The following NCS1 variants were observed in gnomAD, a reference collection of about 807,000 sequenced individuals.
NCS1 encodes frequenin homolog.
Under a neutral mutation model 28.4 loss-of-function variants are expected in NCS1, and 6 were observed. The ratio of observed to expected loss-of-function variants is 0.21; its 90% CI spans 0.12 to 0.42. The LOEUF is 0.42. Among genes scored for constraint, NCS1 ranks in the 10% least tolerant of loss-of-function variants. The pLI, the probability that NCS1 is intolerant of heterozygous loss-of-function variation, is 1.00. For synonymous variants in NCS1, 86 were observed against 99.3 expected (o/e 0.87, Z 0.79); for missense variants, 131 against 241.4 (o/e 0.54, Z 3.03).
intron 4 of NCS1, among the ~76,000 whole-genome samples, chr9:130,220,198 C>G: frequency 6.6e-6 from 1 of 152,144 alleles, no homozygotes; most frequent in East Asian, 1.9e-4. Context: ...GACCCAAGAC[C>G]CAGGTTCAGT....
rs1436059710 is a variant in NCS1 at position 130,181,642 on chromosome 9, C to T, written c.64+8915C>T. ...TCAGCCTGGAGTCTGCACACTGAAGCCCTGGGCCGCGGTGAGGGGCCCCTG... is the reference window on the plus strand; with the variant it reads ...TCAGCCTGGAGTCTGCACACTGAAGTCCTGGGCCGCGGTGAGGGGCCCCTG... On this transcript the variant is annotated intron_variant, in intron 1 of 7. Coordinates refer to ENST00000372398, the MANE Select transcript of NCS1 (RefSeq NM_014286.4). This position sits in a 1 kb window ranked among gnomAD's most constrained non-coding sequence, Gnocchi z 5.0. Among the ~76,000 whole-genome samples the T allele has an allele frequency of 1.3e-5, 2 of 152,162 alleles. No homozygotes were observed. The highest frequency in any genetic ancestry group is 2.9e-5 in the Non-Finnish European group (2 of 68,024).
At chr9:130,203,923 CAG>C (rs1832991218) in intron 2 of NCS1, among the ~76,000 whole-genome samples, 1 of 152,224 alleles carries the variant, frequency 6.6e-6, no homozygotes, top group African/African-American at 2.4e-5. Context: ...CCGCAGACAG[CAG>C]AGTGGCTGGG....
At chr9:130,224,391 C>CA (rs71387332) in intron 6 of NCS1, among the ~76,000 whole-genome samples, 38,229 of 96,252 alleles carry the variant, frequency 0.4, 6,636 homozygotes, top group Admixed American at 0.47. Flanking sequence ...GACGCAGTCT[C>CA]AAAAAAAAAA....
At chr9:130,176,183 T>TTTCTTTCTTTCC (rs1832566411) in intron 1 of NCS1, among the ~76,000 whole-genome samples, 1 of 66,418 alleles carries the variant, frequency 1.5e-5, no homozygotes, top group Non-Finnish European at 2.4e-5. Flanking sequence ...TCTTTCTTTC[T>TTTCTTTCTTTCC]TTCTTTCTTT....
intron 1 of NCS1, among the ~76,000 whole-genome samples, chr9:130,174,923 A>G (rs1192386908): frequency 6.6e-6 from 1 of 152,066 alleles, no homozygotes; most frequent in Non-Finnish European, 1.5e-5. Flanking sequence ...AGATCTGTCA[A>G]CTTTAAGAGA....
In NCS1 at chr9:130,233,340, A is replaced by G. The variant is rs980258323; in HGVS notation, c.*368A>G. On this transcript the variant is annotated 3_prime_UTR_variant, in exon 8 of 8. Coordinates refer to ENST00000372398, the MANE Select transcript of NCS1 (RefSeq NM_014286.4). The surrounding 1 kb of genome is among the most constrained non-coding windows in gnomAD (Gnocchi z 4.8). ...TTGAACAGACGTTTTAAAAGAAAAAAAAACAACTACCTTCTGTCCTAGAAG... is the reference window on the plus strand; with the variant it reads ...TTGAACAGACGTTTTAAAAGAAAAAGAAACAACTACCTTCTGTCCTAGAAG... 6.6e-6 allele frequency: 1 copy of G among 152,154 alleles called. No individual in the cohort carries two copies. The highest frequency in any genetic ancestry group is 1.9e-4 in the East Asian group (1 of 5,188). 9.4% of individuals were successfully genotyped at this position (152,154 alleles called of 1,614,324 possible). A position where few individuals can be genotyped will look rare whatever the true frequency, so the allele number is the denominator to read the frequency against.
At chr9:130,214,953 T>G (rs939208088) in intron 2 of NCS1, among the ~76,000 whole-genome samples, 11 of 152,234 alleles carry the variant, frequency 7.2e-5, no homozygotes, top group Admixed American at 6.5e-4. Flanking sequence ...CTGCTCACTG[T>G]GCTGGCGCTG....
intron 1 of NCS1, among the ~76,000 whole-genome samples, chr9:130,184,971 C>CAA (rs781980341): frequency 1.4e-4 from 19 of 136,244 alleles, no homozygotes; most frequent in African/African-American, 4.3e-4. Context: ...GACTCCGTCT[C>CAA]AAAAAAAAAA....
At position 130,181,926 on chromosome 9, in the gene NCS1, G is replaced by A. The variant is rs1380408980; in HGVS notation, c.64+9199G>A. 1.3e-5 allele frequency among the ~76,000 whole-genome samples: 2 copies of A among 152,102 alleles called. No individual in the cohort carries two copies. Among genetic ancestry groups the A allele is most frequent in the African/African-American group, 4.8e-5 (2 of 41,414 alleles). On this transcript the variant is annotated intron_variant, in intron 1 of 7. Transcript: ENST00000372398. This position sits in a 1 kb window ranked among gnomAD's most constrained non-coding sequence, Gnocchi z 5.0. ...CAGGTTGTAAATGTAGGTGTGCCTG[G>A]GGGTGGGGGACGCTGGGGAGGGAGG...
chr9:130,177,664 G>A lies in NCS1; in HGVS notation c.64+4937G>A, dbSNP rs781805453. Among the ~76,000 whole-genome samples the A allele has an allele frequency of 1.3e-5, 2 of 152,246 alleles. No individual in the cohort carries two copies. Among genetic ancestry groups the A allele is most frequent in the South Asian group, 2.1e-4 (1 of 4,832 alleles). On this transcript the variant is annotated intron_variant, in intron 1 of 7. Transcript: ENST00000372398. This position sits in a 1 kb window ranked among gnomAD's most constrained non-coding sequence, Gnocchi z 4.4. Reference sequence around the variant, plus strand: ...GAGAGGACTCGATCCCCTGCGGTGCGGGGCTGGGTCCTCACTCGGCCTTGG... The same window carrying A: ...GAGAGGACTCGATCCCCTGCGGTGCAGGGCTGGGTCCTCACTCGGCCTTGG...
In NCS1 at chr9:130,222,638, G is replaced by A; in HGVS notation, c.308-12G>A. 1.2e-6 allele frequency: 2 copies of A among 1,613,400 alleles called. No homozygotes were observed. The highest frequency in any genetic ancestry group is 1.7e-6 in the Non-Finnish European group (2 of 1,179,374). On this transcript the variant is annotated splice_polypyrimidine_tract_variant and intron_variant, in intron 4 of 7. Transcript: ENST00000372398. Reference sequence around the variant, plus strand: ...CAGCCCAGGATCACTCAGCAGTGCTGCTTGCTTACAGGGGCCTTCAAGCTC... The same window carrying A: ...CAGCCCAGGATCACTCAGCAGTGCTACTTGCTTACAGGGGCCTTCAAGCTC...
chr9:130,204,329 C>T (rs1460976227), intron 2 of NCS1, among the ~76,000 whole-genome samples: 1 of 152,104 alleles, frequency 6.6e-6, no homozygotes, highest in Non-Finnish European at 1.5e-5. Flanking sequence ...TGCCCTGTCG[C>T]CCAGGCTGGA....
In NCS1 at chr9:130,226,578, G is replaced by A. The variant is rs191864003; in HGVS notation, c.*17+74G>A. Reference sequence around the variant, plus strand: ...GAAAACCCAGCAGCAGGACACCTACGGTTGGCAGGTAATTACCTGGGTCTC... The same window carrying A: ...GAAAACCCAGCAGCAGGACACCTACAGTTGGCAGGTAATTACCTGGGTCTC... On this transcript the variant is annotated intron_variant, in intron 7 of 7. Coordinates refer to ENST00000372398, the MANE Select transcript of NCS1 (RefSeq NM_014286.4). This position sits in a 1 kb window ranked among gnomAD's most constrained non-coding sequence, Gnocchi z 4.8. The A allele has an allele frequency of 4.7e-5, 53 of 1,120,884 alleles. No homozygotes were observed. The highest frequency in any genetic ancestry group is 2.0e-4 in the Middle Eastern group (1 of 5,094). The allele number at this position is 1,120,884 out of a possible 1,614,324, so 69.4% of individuals were successfully genotyped here.
chr9:130,226,343 T>C lies in NCS1; in HGVS notation c.475-46T>C. Reference sequence around the variant, plus strand: ...CCTGGGCTGGGCTTGTCTAGAGCCCTCTCCTGGGAGGCCCTGCACCCTCAG... The same window carrying C: ...CCTGGGCTGGGCTTGTCTAGAGCCCCCTCCTGGGAGGCCCTGCACCCTCAG... On this transcript the variant is annotated intron_variant, in intron 6 of 7. Transcript: ENST00000372398. This position sits in a 1 kb window ranked among gnomAD's most constrained non-coding sequence, Gnocchi z 4.8. The C allele has an allele frequency of 6.5e-7, 1 of 1,538,956 alleles. No homozygotes were observed. Among genetic ancestry groups the C allele is most frequent in the Non-Finnish European group, 9.0e-7 (1 of 1,113,804 alleles).
At chr9:130,213,874 TG>T (rs1300965708) in intron 2 of NCS1, among the ~76,000 whole-genome samples, 4 of 152,232 alleles carry the variant, frequency 2.6e-5, no homozygotes, top group African/African-American at 9.6e-5. Flanking sequence ...CCACCATGCC[TG>T]GCCACACCTC....
At chr9:130,200,640 A>G (rs1832929437) in intron 1 of NCS1, 13 of 1,551,738 alleles carry the variant, frequency 8.4e-6, no homozygotes, top group Non-Finnish European at 1.0e-5. Context: ...CCTGGGAGCA[A>G]GGGCTGTGGG....
intron 1 of NCS1, among the ~76,000 whole-genome samples, chr9:130,190,194 C>T (rs1349952918): frequency 6.6e-6 from 1 of 152,116 alleles, no homozygotes; most frequent in Non-Finnish European, 1.5e-5. Flanking sequence ...TGTGAGAACA[C>T]ACATACATTG....
intron 2 of NCS1, among the ~76,000 whole-genome samples, chr9:130,206,597 T>C (rs1833027060): frequency 6.6e-6 from 1 of 151,742 alleles, no homozygotes; most frequent in Non-Finnish European, 1.5e-5. Flanking sequence ...TTAGTAGAGG[T>C]GGTGATTTCA....
At chr9:130,221,397 TATATATATATATATATAGAGAGAGAGAG>T (rs1427856358) in intron 4 of NCS1, among the ~76,000 whole-genome samples, 27 of 61,224 alleles carry the variant, frequency 4.4e-4, no homozygotes, top group African/African-American at 1.3e-3. Context: ...TATATATATA[TATATATATATATATATAGAGAGAGAGAG>T]AGAGAGAGAG....
Sources: allele counts gnomAD v4.1 joint callset (sites outside exome capture counted in the v4.1 genomes callset), GRCh38; gene constraint gnomAD v4.1.1; non-coding constraint Gnocchi (gnomAD v3.1); transcripts MANE v1.5; gene names NCBI Gene and HGNC (gene_info 2026-07-23, HGNC 2026-07-21).